TSC22D1: variants seen among roughly 807,000 people sequenced by gnomAD.
TSC22D1 encodes TSC22 domain family member 1, also known as TSC22 domain family protein 1.
Under a neutral mutation model 74.2 loss-of-function variants are expected in TSC22D1, and 9 were observed. That is an observed-to-expected ratio of 0.12 (90% CI 0.07 to 0.21). The LOEUF (loss-of-function observed/expected upper bound fraction) is 0.21. Ranked by LOEUF, TSC22D1 falls within the 10% of genes least tolerant of loss-of-function variation. The pLI, the probability that TSC22D1 is intolerant of heterozygous loss-of-function variation, is 1.00. For synonymous variants in TSC22D1, 586 were observed against 492.5 expected (o/e 1.19, Z -2.51); for missense variants, 1,427 against 1,304.7 (o/e 1.09, Z -1.44).
At chr13:44,556,501 G>A (rs540721204) in intron 1 of TSC22D1, among the ~76,000 whole-genome samples, 34 of 149,590 alleles carry the variant, frequency 2.3e-4, no homozygotes, top group South Asian at 6.4e-4. Flanking sequence ...AACCGAGATC[G>A]TGCAAATGCA....
chr13:44,550,573 ACT>A (rs1236241694), intron 1 of TSC22D1, among the ~76,000 whole-genome samples: 3 of 146,626 alleles, frequency 2.0e-5, no homozygotes, highest in African/African-American at 7.7e-5. Context: ...CAAGAGTGAA[ACT>A]CTGTCTCGGG....
intron 1 of TSC22D1, among the ~76,000 whole-genome samples, chr13:44,554,451 A>C (rs1882489036): frequency 6.6e-6 from 1 of 152,146 alleles, no homozygotes; most frequent in Admixed American, 6.5e-5. Context: ...ATAATTGAGA[A>C]GATAAATCAA....
At chr13:44,526,469 GAAAAGCAAAGAAAAAA>G (rs1880552461) in intron 1 of TSC22D1, among the ~76,000 whole-genome samples, 1 of 150,194 alleles carries the variant, frequency 6.7e-6, no homozygotes, top group Admixed American at 6.6e-5. Flanking sequence ...TTCCAAAACT[GAAAAGCAAAGAAAAAA>G]AAAAGGAATA....
intron 1 of TSC22D1, among the ~76,000 whole-genome samples, chr13:44,521,410 A>G (rs1396155856): frequency 1.3e-5 from 2 of 151,748 alleles, no homozygotes; most frequent in African/African-American, 4.8e-5. Flanking sequence ...GCTCATTCTT[A>G]CTGTGGCTTG....
chr13:44,573,077 T>G, intron 1 of TSC22D1, 86 bp downstream of exon 1: 1 of 1,492,064 alleles, frequency 6.7e-7, no homozygotes. Flanking sequence ...TACAATGTTT[T>G]AGAGTCATTT....
In TSC22D1 at chr13:44,445,216, T is replaced by TACACAC. The variant is rs55714213; in HGVS notation, c.2913-9127_2913-9122dup. Reference sequence around the variant, plus strand: ...TGGAACAAAACAGAGAGGTCAAAGATACACACACACACACACACACACACA... The same window carrying TACACAC: ...TGGAACAAAACAGAGAGGTCAAAGATACACACACACACACACACACACACACACACA... On this transcript the variant is annotated intron_variant, in intron 1 of 2. Coordinates refer to ENST00000458659, the MANE Select transcript of TSC22D1 (RefSeq NM_183422.4). Among the ~76,000 whole-genome samples, 561 of 144,778 alleles carry TACACAC rather than the reference T, an allele frequency of 3.9e-3. 4 individuals are homozygous for TACACAC. Among genetic ancestry groups the TACACAC allele is most frequent in the African/African-American group, 0.01 (408 of 39,396 alleles). 95.0% of individuals were successfully genotyped at this position (144,778 alleles called of 152,430 possible).
At position 44,482,218 on chromosome 13, in the gene TSC22D1, A is replaced by G. The variant is rs75917339; in HGVS notation, c.2913-46123T>C. On this transcript the variant is annotated intron_variant, in intron 1 of 2. Transcript: ENST00000458659. ...TATAATTTAATCCTCAAAACAACTC[A>G]TTTTCAGGTGAAGAGATTGAGCTTT... is the stretch of plus-strand genomic sequence containing the variant. Among the ~76,000 whole-genome samples, 19 of 152,272 alleles carry G rather than the reference A, an allele frequency of 1.2e-4. No individual in the cohort carries two copies. In the East Asian group the frequency reaches 1.9e-3, roughly 15 times the overall value.
At chr13:44,570,378 G>A (rs954977102) in intron 1 of TSC22D1, among the ~76,000 whole-genome samples, 4 of 151,834 alleles carry the variant, frequency 2.6e-5, no homozygotes, top group Non-Finnish European at 5.9e-5. Flanking sequence ...TTTTTGTAGA[G>A]ACAGGGTTTT....
chr13:44,523,660 AG>A (rs900076979), intron 1 of TSC22D1, among the ~76,000 whole-genome samples: 1 of 152,188 alleles, frequency 6.6e-6, no homozygotes, highest in Non-Finnish European at 1.5e-5. Context: ...ATTTTGCAAC[AG>A]GGAGGACCCT....
At chr13:44,491,326 G>A (rs1566137539) in intron 1 of TSC22D1, among the ~76,000 whole-genome samples, 2 of 152,144 alleles carry the variant, frequency 1.3e-5, no homozygotes, top group Non-Finnish European at 2.9e-5. Context: ...GGCCAAGGCG[G>A]GTGGATCACA....
chr13:44,487,158 G>A (rs1878464984), intron 1 of TSC22D1, among the ~76,000 whole-genome samples: 1 of 151,976 alleles, frequency 6.6e-6, no homozygotes, highest in Non-Finnish European at 1.5e-5. Flanking sequence ...CTTATTTTAA[G>A]AGGCTAGTAA....
At chr13:44,538,413 T>C in intron 1 of TSC22D1, 1 of 985,380 alleles carries the variant, frequency 1.0e-6, no homozygotes, top group Non-Finnish European at 1.2e-6. Context: ...ACTTTCAGTG[T>C]CAGGCAACAA....
At chr13:44,478,834 C>T (rs749974485) in intron 1 of TSC22D1, among the ~76,000 whole-genome samples, 2 of 151,744 alleles carry the variant, frequency 1.3e-5, no homozygotes, top group Non-Finnish European at 2.9e-5. Context: ...TGGCAGTGAA[C>T]CAAAAGAAAC....
chr13:44,434,937 T>TAAAA (rs1874417259), intron 2 of TSC22D1, 54 bp from the exon 3 acceptor site: 2 of 1,476,172 alleles, frequency 1.4e-6, no homozygotes, highest in African/African-American at 2.8e-5. Context: ...TCTGGACTCT[T>TAAAA]TTGAGTTTCC....
chr13:44,453,632 G>A (rs1355942259), intron 1 of TSC22D1, among the ~76,000 whole-genome samples: 2 of 152,120 alleles, frequency 1.3e-5, no homozygotes, highest in Non-Finnish European at 1.5e-5. Context: ...TTTGGTACAG[G>A]GCATGACTCA....
At chr13:44,542,093 A>G (rs1190090649) in intron 1 of TSC22D1, among the ~76,000 whole-genome samples, 1 of 152,092 alleles carries the variant, frequency 6.6e-6, no homozygotes, top group Non-Finnish European at 1.5e-5. Context: ...TTTAAAACCT[A>G]TTCAGAAATT....
chr13:44,506,274 G>A (rs1477639899), intron 1 of TSC22D1, among the ~76,000 whole-genome samples: 2 of 152,282 alleles, frequency 1.3e-5, no homozygotes, highest in East Asian at 3.9e-4. Context: ...AGGAATTCTG[G>A]GAAAGAGAGA....
chr13:44,447,411 A>G (rs570829117), intron 1 of TSC22D1, among the ~76,000 whole-genome samples: 7 of 152,324 alleles, frequency 4.6e-5, no homozygotes, highest in Non-Finnish European at 1.0e-4. Context: ...CTATTTTATA[A>G]CTAATTGTTC....
At position 44,491,008 on chromosome 13, in the gene TSC22D1, A is replaced by G. The variant is rs113308174; in HGVS notation, c.2913-54913T>C. Among the ~76,000 whole-genome samples, 52 of 152,026 alleles carry G rather than the reference A, an allele frequency of 3.4e-4. 1 individual carries two copies. Among genetic ancestry groups the G allele is most frequent in the African/African-American group, 1.1e-3 (46 of 41,454 alleles). On this transcript the variant is annotated intron_variant, in intron 1 of 2. Transcript: ENST00000458659. ...AAAGTTAAGAACTTCTGTTCAAAGG[A>G]TATCACAATTAGCCAGGCCTGGTGG...
Sources: allele counts gnomAD v4.1 joint callset (sites outside exome capture counted in the v4.1 genomes callset), GRCh38; gene constraint gnomAD v4.1.1; transcripts MANE v1.5; gene names NCBI Gene and HGNC (gene_info 2026-07-23, HGNC 2026-07-21).